Variants in CSMD3 observed in about 807,000 individuals in gnomAD.
CSMD3 encodes the protein CUB and sushi domain-containing protein 3.
Under a neutral mutation model 435.2 loss-of-function variants are expected in CSMD3, and 177 were observed. The ratio of observed to expected loss-of-function variants is 0.41; its 90% CI spans 0.36 to 0.46. The LOEUF is 0.46. CSMD3 is among the 20% of genes least tolerant of loss of function. The pLI, the probability that CSMD3 is intolerant of heterozygous loss-of-function variation, is 0.34. For missense variants in CSMD3, 4,265 were observed against 4,504.6 expected (o/e 0.95, Z 1.52); for synonymous variants, 1,656 against 1,520.5 (o/e 1.09, Z -2.07).
intron 17 of CSMD3, among the ~76,000 whole-genome samples, chr8:112,665,757 T>C (rs1320817734): frequency 6.6e-6 from 1 of 152,162 alleles, no homozygotes; most frequent in Non-Finnish European, 1.5e-5. Context: ...TTTTACAATA[T>C]AGTTTATTTG....
At chr8:113,197,253 T>A (rs1274320774) in intron 3 of CSMD3, among the ~76,000 whole-genome samples, 3 of 151,184 alleles carry the variant, frequency 2.0e-5, no homozygotes, top group Non-Finnish European at 3.0e-5. Flanking sequence ...CTTTGTTTCA[T>A]GTACAAAATT....
chr8:112,390,620 CT>C (rs771041890), intron 36 of CSMD3, 43 bp downstream of exon 36: 2 of 1,525,962 alleles, frequency 1.3e-6, no homozygotes, highest in Non-Finnish European at 1.8e-6. Flanking sequence ...AAAAGATTAA[CT>C]ACACACATAC....
At chr8:113,399,106 T>TATATATATATATACACACAC (rs773585004) in intron 1 of CSMD3, among the ~76,000 whole-genome samples, 43 of 95,056 alleles carry the variant, frequency 4.5e-4, no homozygotes, top group African/African-American at 1.3e-3. Context: ...TATATATATA[T>TATATATATATATACACACAC]ACACACACAC....
At chr8:112,929,107 T>C (rs1221108617) in intron 9 of CSMD3, among the ~76,000 whole-genome samples, 2 of 149,742 alleles carry the variant, frequency 1.3e-5, no homozygotes, top group African/African-American at 4.9e-5. Flanking sequence ...TGTCTGTTCA[T>C]GTCCTTCGCC....
intron 10 of CSMD3, among the ~76,000 whole-genome samples, chr8:112,916,245 G>T (rs1195586421): frequency 2.0e-5 from 3 of 151,768 alleles, no homozygotes; most frequent in Non-Finnish European, 2.9e-5. Context: ...CTAAACAATT[G>T]TTGGAAGGGC....
chr8:112,975,866 GTTCT>G lies in CSMD3; in HGVS notation c.1309_1312del (p.Arg437LeufsTer11), dbSNP rs753710667. The stretch of plus-strand genomic sequence containing the variant: ...ATGAGTAACAACTGCAAGCTCTTTA[GTTCT>G]TTCTATCTGTTCAGCATGTCTTGGT... On this transcript the variant is annotated frameshift_variant, in exon 7 of 71. Transcript: ENST00000297405. LOFTEE classifies it high-confidence loss of function. 1.2e-6 allele frequency: 2 copies of G among 1,613,506 alleles called. No individual in the cohort carries two copies. Among genetic ancestry groups the G allele is most frequent in the African/African-American group, 1.3e-5 (1 of 74,852 alleles).
chr8:112,673,698 C>G (rs2075708235), intron 16 of CSMD3, among the ~76,000 whole-genome samples: 2 of 152,020 alleles, frequency 1.3e-5, no homozygotes, highest in Admixed American at 1.3e-4. Context: ...AAGAGAGAAC[C>G]TCTTACCCTC....
intron 23 of CSMD3, among the ~76,000 whole-genome samples, chr8:112,586,755 T>C (rs1164062343): frequency 6.6e-6 from 1 of 151,324 alleles, no homozygotes; most frequent in African/African-American, 2.4e-5. Flanking sequence ...TTATATATAA[T>C]AATTTATTAG....
intron 4 of CSMD3, among the ~76,000 whole-genome samples, chr8:113,165,258 G>A (rs2092127807): frequency 6.6e-6 from 1 of 152,074 alleles, no homozygotes; most frequent in South Asian, 2.1e-4. Context: ...TCTACATATT[G>A]TGGAATGTAG....
At chr8:112,636,171 A>T (rs2074651345) in intron 22 of CSMD3, among the ~76,000 whole-genome samples, 1 of 152,062 alleles carries the variant, frequency 6.6e-6, no homozygotes, top group African/African-American at 2.4e-5. Flanking sequence ...TATCAGTCAA[A>T]ATATTTACTT....
At chr8:113,215,724 G>A (rs1358990173) in intron 3 of CSMD3, among the ~76,000 whole-genome samples, 2 of 151,642 alleles carry the variant, frequency 1.3e-5, no homozygotes, top group Admixed American at 6.6e-5. Context: ...AATCTTATAT[G>A]CACTTTTCTC....
At chr8:112,269,102 T>C (rs951874483) in intron 59 of CSMD3, among the ~76,000 whole-genome samples, 1 of 152,176 alleles carries the variant, frequency 6.6e-6, no homozygotes, top group Admixed American at 6.6e-5. Context: ...AAATCCTCTC[T>C]AGTTGAGAAC....
At chr8:112,230,685 G>A (rs911666471) in intron 69 of CSMD3, among the ~76,000 whole-genome samples, 6 of 152,004 alleles carry the variant, frequency 3.9e-5, no homozygotes, top group African/African-American at 1.4e-4. Flanking sequence ...GTGCATGGTG[G>A]TCTGTAATCC....
At chr8:112,486,859 G>A (rs1820186940) in intron 31 of CSMD3, among the ~76,000 whole-genome samples, 1 of 152,082 alleles carries the variant, frequency 6.6e-6, no homozygotes, top group Non-Finnish European at 1.5e-5. Context: ...GCAAGGACAA[G>A]GTTGAATTCA....
chr8:113,147,735 G>A lies in CSMD3; in HGVS notation c.709+25987C>T, dbSNP rs1018287978. On this transcript the variant is annotated intron_variant, in intron 4 of 70. Coordinates refer to ENST00000297405, the MANE Select transcript of CSMD3 (RefSeq NM_198123.2). ...TTAAAGGTGTCTCTGTTTCGCTTCC[G>A]TCATTCCTCATTTCAATGAATGGTC... Among the ~76,000 whole-genome samples, 9 of 151,628 alleles carry A rather than the reference G, an allele frequency of 5.9e-5. No homozygotes were observed. The East Asian group carries it at 7.8e-4, about 13-fold the overall frequency.
intron 1 of CSMD3, among the ~76,000 whole-genome samples, chr8:113,319,511 C>T (rs370201347): frequency 6.6e-6 from 1 of 151,792 alleles, no homozygotes; most frequent in South Asian, 2.1e-4. Flanking sequence ...CCATAAATTG[C>T]CTATTATTTT....
intron 27 of CSMD3, among the ~76,000 whole-genome samples, chr8:112,532,582 C>T (rs1825644879): frequency 6.6e-6 from 1 of 151,858 alleles, no homozygotes; most frequent in African/African-American, 2.4e-5. Context: ...AAATTTCTAA[C>T]CAAGAATATA....
chr8:112,330,211 G>A (rs1321201409), intron 45 of CSMD3, among the ~76,000 whole-genome samples: 11 of 152,060 alleles, frequency 7.2e-5, no homozygotes, highest in Admixed American at 5.3e-4. Context: ...AGCATTTATT[G>A]TAAAAGTAGC....
chr8:113,210,003 G>GGTGT (rs3048831), intron 3 of CSMD3, among the ~76,000 whole-genome samples: 13,774 of 138,848 alleles, frequency 0.099, 828 homozygotes, highest in Middle Eastern at 0.17. Flanking sequence ...TCTCCTAAAA[G>GGTGT]GTGTGTGTGT....
Sources: gnomAD v4.1 joint callset for allele counts (sites outside exome capture counted in the v4.1 genomes callset) on GRCh38, gnomAD v4.1.1 for gene constraint, MANE v1.5 for transcripts, NCBI Gene and HGNC (gene_info 2026-07-23, HGNC 2026-07-21) for gene names.